The following SLC26A4 variants were observed in gnomAD, a reference collection of about 807,000 sequenced individuals.
SLC26A4 encodes the protein pendrin.
Under a neutral mutation model 90.4 loss-of-function variants are expected in SLC26A4, and 93 were observed. The observed-to-expected ratio is 1.03, with a 90% CI of 0.87 to 1.22. The LOEUF is 1.22. Ranked by LOEUF, SLC26A4 falls within the 50% of genes most tolerant of loss-of-function variation. The pLI, the probability that SLC26A4 is intolerant of heterozygous loss-of-function variation, is 0.00. For missense variants in SLC26A4, 1,127 were observed against 946.2 expected (o/e 1.19, Z -2.51); for synonymous variants, 393 against 354.6 (o/e 1.11, Z -1.22).
At chr7:107,702,572 C>T (rs1226253028) in intron 17 of SLC26A4, among the ~76,000 whole-genome samples, 1 of 151,874 alleles carries the variant, frequency 6.6e-6, no homozygotes, top group Non-Finnish European at 1.5e-5. Context: ...CACCTGTAGT[C>T]CCAGCTCCTA....
At chr7:107,682,268 C>A (rs55836619) in intron 6 of SLC26A4, among the ~76,000 whole-genome samples, 1 of 151,734 alleles carries the variant, frequency 6.6e-6, no homozygotes, top group East Asian at 1.9e-4. Context: ...ACATGGCACA[C>A]GTATACATAT....
intron 10 of SLC26A4, 47 bp from the exon 11 acceptor site, chr7:107,694,356 C>T (rs774550085): frequency 1.1e-5 from 16 of 1,464,586 alleles, no homozygotes; most frequent in Non-Finnish European, 1.5e-5. Flanking sequence ...CTGGAAGACA[C>T]AAGGGAGAAG....
intron 6 of SLC26A4, among the ~76,000 whole-genome samples, chr7:107,679,242 G>C (rs1470772355): frequency 1.3e-5 from 2 of 152,124 alleles, no homozygotes; most frequent in African/African-American, 4.8e-5. Flanking sequence ...GTTTGTCTCA[G>C]TAGACAAGGG....
At chr7:107,690,953 C>T (rs1198205045) in intron 10 of SLC26A4, among the ~76,000 whole-genome samples, 1 of 151,924 alleles carries the variant, frequency 6.6e-6, no homozygotes, top group East Asian at 1.9e-4. Flanking sequence ...AGAGACCACA[C>T]CAAGCAGATG....
intron 6 of SLC26A4, among the ~76,000 whole-genome samples, chr7:107,680,098 CTTATCTTATTATATAAT>C (rs1791167813): frequency 3.6e-5 from 3 of 82,688 alleles, no homozygotes; most frequent in African/African-American, 6.0e-5. Context: ...ATTATATAAT[CTTATCTTATTATATAAT>C]ATAATCTTAT....
chr7:107,705,369 A>G (rs1792012893), intron 18 of SLC26A4, among the ~76,000 whole-genome samples: 1 of 152,188 alleles, frequency 6.6e-6, no homozygotes, highest in Admixed American at 6.5e-5. Flanking sequence ...TTTTGGAAAC[A>G]TTTAAAACTT....
chr7:107,670,842 A>G (rs1279253636), intron 3 of SLC26A4, among the ~76,000 whole-genome samples: 1 of 152,104 alleles, frequency 6.6e-6, no homozygotes, highest in Non-Finnish European at 1.5e-5. Context: ...TAACCAAGGA[A>G]AAGAATGTCA....
Position 107,701,896 on chromosome 7 carries a change from G to C in SLC26A4, c.1873G>C (p.Glu625Gln). Residue 625 changes from glutamate (E) to glutamine (Q), a missense_variant, in exon 17 of 21, where the codon GAG becomes CAG. Transcript: ENST00000644269. ...GCCTGATGAGGATATTGAAGATCTG[G>C]AGGAACTTGATATCCCAACCAAGGA... ...FEPDEDIEDL[E>Q]ELDIPTKEIE... is the part of the protein sequence containing the mutation. 1 of 1,613,308 alleles carries C rather than the reference G, an allele frequency of 6.2e-7. No individual in the cohort carries two copies.
At chr7:107,666,084 T>C (rs1790704502) in intron 3 of SLC26A4, among the ~76,000 whole-genome samples, 1 of 152,208 alleles carries the variant, frequency 6.6e-6, no homozygotes, top group Non-Finnish European at 1.5e-5. Flanking sequence ...GCTGACTTCA[T>C]GGAGCTTTGT....
intron 14 of SLC26A4, among the ~76,000 whole-genome samples, chr7:107,698,979 A>T (rs1230174326): frequency 6.6e-6 from 1 of 151,842 alleles, no homozygotes; most frequent in African/African-American, 2.4e-5. Context: ...AAATTTAGCA[A>T]ATAATAATAA....
At position 107,700,571 on chromosome 7, in the gene SLC26A4, G is replaced by T. The variant is rs1238626982; in HGVS notation, c.1707+396G>T. Among the ~76,000 whole-genome samples, 15 of 152,340 alleles carry T rather than the reference G, an allele frequency of 9.8e-5. 1 individual carries two copies. The South Asian group carries it at 1.0e-3, about 11-fold the overall frequency. On this transcript the variant is annotated intron_variant, in intron 15 of 20. Transcript: ENST00000644269. The stretch of plus-strand genomic sequence containing the variant: ...TGTCAAGTGTTTGAGAACTATGTGA[G>T]CTGAGAGACAGTGGAAACATGTATT...
rs776923418 is a variant in SLC26A4, at chr7:107,675,000, T to C, written c.656T>C (p.Leu219Ser). The C allele has an allele frequency of 1.2e-6, 2 of 1,614,120 alleles. No homozygotes were observed. Among genetic ancestry groups the C allele is most frequent in the Non-Finnish European group, 1.7e-6 (2 of 1,179,964 alleles). The stretch of plus-strand genomic sequence containing the variant: ...ATAGTGAGGTACTTGGCAGATCCTT[T>C]GGTTGGTGGCTTCACAACAGCTGCT... ...GFIVRYLADPLVGGFTTAAAF... is the reference protein window; with the variant it reads ...GFIVRYLADPSVGGFTTAAAF... The change falls in exon 6 of 21, where the codon TTG (leucine) becomes TCG (serine). Residue 219 changes from leucine to serine, a missense_variant. Leu to Ser is a moderately radical substitution (Grantham distance 145, BLOSUM62 -2). Coordinates refer to ENST00000644269, the MANE Select transcript of SLC26A4 (RefSeq NM_000441.2).
chr7:107,704,458 C>A, intron 18 of SLC26A4, 73 bp downstream of exon 18: 2 of 689,804 alleles, frequency 2.9e-6, no homozygotes, highest in South Asian at 1.6e-5. Flanking sequence ...GGACTGTGGT[C>A]ACATTATGTC....
chr7:107,715,150 G>T lies in SLC26A4; in HGVS notation c.2320-273G>T, dbSNP rs992703204. ...CTCGGGAGGCTGAGGCAGGAGAATT[G>T]CTTGAACCTGGGAGGCAGAGGTTGC... On this transcript the variant is annotated intron_variant, in intron 20 of 20. Transcript: ENST00000644269. 3.3e-5 allele frequency among the ~76,000 whole-genome samples: 5 copies of T among 150,880 alleles called. No individual in the cohort carries two copies. In the South Asian group the frequency reaches 8.4e-4, roughly 25 times the overall value.
chr7:107,694,046 G>A (rs1791659464), intron 10 of SLC26A4, among the ~76,000 whole-genome samples: 1 of 152,250 alleles, frequency 6.6e-6, no homozygotes, highest in African/African-American at 2.4e-5. Context: ...GGAAAGGGGG[G>A]ATTGGTCCAT....
chr7:107,688,439 AG>A (rs1236516644), intron 8 of SLC26A4, among the ~76,000 whole-genome samples: 2 of 152,170 alleles, frequency 1.3e-5, no homozygotes, highest in Non-Finnish European at 2.9e-5. Context: ...TATGGTTTGT[AG>A]GGTAGCTCTG....
In SLC26A4 at chr7:107,661,289, G is replaced by A. The variant is rs1381116284; in HGVS notation, c.-3-350G>A. On this transcript the variant is annotated intron_variant, in intron 1 of 20. Transcript: ENST00000644269. The surrounding 1 kb of genome is among the most constrained non-coding windows in gnomAD (Gnocchi z 5.1). Reference sequence around the variant, plus strand: ...CCCTGCCCCAGCCCCTCGGTTTGGGGGAGATTTCAGAACGCGGACAGCGCC... The same window carrying A: ...CCCTGCCCCAGCCCCTCGGTTTGGGAGAGATTTCAGAACGCGGACAGCGCC... The A allele has an allele frequency of 7.7e-6, 3 of 391,642 alleles. No individual in the cohort carries two copies. The highest frequency in any genetic ancestry group is 4.2e-5 in the African/African-American group (2 of 47,092). 24.3% of individuals were successfully genotyped at this position (391,642 alleles called of 1,614,324 possible).
intron 6 of SLC26A4, among the ~76,000 whole-genome samples, chr7:107,681,304 G>T (rs898699663): frequency 3.3e-5 from 5 of 152,022 alleles, no homozygotes; most frequent in African/African-American, 7.3e-5. Context: ...ATGCATAATA[G>T]CTTCTCCCCC....
rs575768168 is a variant in SLC26A4, at chr7:107,696,160, C to T, written c.1544+121C>T. 237 of 756,452 alleles carry T rather than the reference C, an allele frequency of 3.1e-4. 1 individual carries two copies. Among genetic ancestry groups the T allele is most frequent in the South Asian group, 2.1e-3 (148 of 72,172 alleles). The allele number at this position is 756,452 out of a possible 1,614,324, so 46.9% of individuals were successfully genotyped here. A position where few individuals can be genotyped will look rare whatever the true frequency, so the allele number is the denominator to read the frequency against. On this transcript the variant is annotated intron_variant, in intron 13 of 20. Transcript: ENST00000644269. ...CGTTATAGTTACTGTATATTGAGTG[C>T]TTCTATGCATTAAGCAGACAGTGTT... is the stretch of plus-strand genomic sequence containing the variant.
Sources: allele counts gnomAD v4.1 joint callset (sites outside exome capture counted in the v4.1 genomes callset), GRCh38; gene constraint gnomAD v4.1.1; non-coding constraint Gnocchi (gnomAD v3.1); transcripts MANE v1.5; gene names NCBI Gene and HGNC (gene_info 2026-07-23, HGNC 2026-07-21).